Variants in EPM2A observed in about 807,000 individuals in gnomAD.
EPM2A encodes EPM2A glucan phosphatase, laforin, also known as laforin.
EPM2A carries 21 observed loss-of-function variants against 26.5 expected under a neutral mutation model. The observed-to-expected ratio is 0.79, with a 90% CI of 0.56 to 1.14. The LOEUF is 1.14. Ranked by LOEUF, EPM2A falls within the 50% of genes most tolerant of loss-of-function variation. EPM2A has a pLI of 0.00. For synonymous variants in EPM2A, 217 were observed against 177.6 expected (o/e 1.22, Z -1.76); for missense variants, 458 against 440.8 (o/e 1.04, Z -0.35).
At chr6:145,515,052 C>T (rs1385311495) in intron 2 of EPM2A, among the ~76,000 whole-genome samples, 1 of 152,180 alleles carries the variant, frequency 6.6e-6, no homozygotes, top group African/African-American at 2.4e-5. Context: ...AAAACTTCCA[C>T]TGAAATGAAT....
chr6:145,517,680 A>G (rs1183054194), intron 2 of EPM2A, among the ~76,000 whole-genome samples: 2 of 152,220 alleles, frequency 1.3e-5, no homozygotes, highest in African/African-American at 4.8e-5. Flanking sequence ...TGCTCAGTTC[A>G]GCAGTGTCTG....
At chr6:145,417,686 T>C (rs1439887586) in intron 4 of EPM2A, among the ~76,000 whole-genome samples, 1 of 152,182 alleles carries the variant, frequency 6.6e-6, no homozygotes, top group East Asian at 1.9e-4. Flanking sequence ...GGGTGACTTT[T>C]TTCTGAATAT....
rs1775813908 is a variant in EPM2A at position 145,626,457 on chromosome 6, C to T, written c.*959G>A. 1.0e-6 allele frequency: 1 copy of T among 985,774 alleles called. No homozygotes were observed. Among genetic ancestry groups the T allele is most frequent in the Non-Finnish European group, 1.2e-6 (1 of 829,960 alleles). 61.1% of individuals were successfully genotyped at this position (985,774 alleles called of 1,614,324 possible). A position where few individuals can be genotyped will look rare whatever the true frequency, so the allele number is the denominator to read the frequency against. On this transcript the variant is annotated 3_prime_UTR_variant, in exon 4 of 4. Coordinates refer to ENST00000367519, the MANE Select transcript of EPM2A (RefSeq NM_005670.4). ...CCCATCATGTTTTTAAATTAGCTTGCACAAAATACAACTAATTTCCTAGAT... is the reference window on the plus strand; with the variant it reads ...CCCATCATGTTTTTAAATTAGCTTGTACAAAATACAACTAATTTCCTAGAT...
intron 1 of EPM2A, among the ~76,000 whole-genome samples, chr6:145,729,358 A>T: frequency 6.6e-6 from 1 of 152,220 alleles, no homozygotes; most frequent in East Asian, 1.9e-4. Flanking sequence ...GGCCTGGAAA[A>T]GCCACAGACA....
intron 4 of EPM2A, among the ~76,000 whole-genome samples, chr6:145,480,110 G>T (rs1484255999): frequency 6.6e-6 from 1 of 151,720 alleles, no homozygotes; most frequent in Non-Finnish European, 1.5e-5. Context: ...TGGGTTGTCT[G>T]TCTCTTTGTT....
chr6:145,563,092 G>C (rs1242806484), intron 2 of EPM2A, among the ~76,000 whole-genome samples: 1 of 151,798 alleles, frequency 6.6e-6, no homozygotes, highest in Admixed American at 6.6e-5. Context: ...CTTGAGAAAA[G>C]GAAGAAGGAT....
chr6:145,433,085 C>T (rs1420869665), intron 4 of EPM2A, among the ~76,000 whole-genome samples: 1 of 152,184 alleles, frequency 6.6e-6, no homozygotes, highest in African/African-American at 2.4e-5. Context: ...TCTATCCAGA[C>T]CATTCAAACT....
intron 2 of EPM2A, among the ~76,000 whole-genome samples, chr6:145,578,578 C>G (rs1340886790): frequency 6.6e-6 from 1 of 152,108 alleles, no homozygotes; most frequent in Non-Finnish European, 1.5e-5. Flanking sequence ...AGTCCAAGAC[C>G]TTATGGGTTC....
chr6:145,461,567 T>C (rs1323426838), intron 4 of EPM2A, among the ~76,000 whole-genome samples: 2 of 152,130 alleles, frequency 1.3e-5, no homozygotes, highest in African/African-American at 4.8e-5. Flanking sequence ...ATACCATATG[T>C]TGTGTACGGT....
intron 2 of EPM2A, among the ~76,000 whole-genome samples, chr6:145,566,638 G>A (rs1338699176): frequency 6.6e-6 from 1 of 152,152 alleles, no homozygotes; most frequent in Non-Finnish European, 1.5e-5. Context: ...GCTTAAGAGA[G>A]CAAAAAGACA....
chr6:145,576,938 G>C (rs1781040057), intron 2 of EPM2A, among the ~76,000 whole-genome samples: 1 of 151,480 alleles, frequency 6.6e-6, no homozygotes, highest in Admixed American at 6.6e-5. Flanking sequence ...CTTGTGATTA[G>C]AGTTAAGTTG....
chr6:145,501,884 C>T (rs907624577), intron 3 of EPM2A: 2 of 470,646 alleles, frequency 4.2e-6, no homozygotes, highest in African/African-American at 4.0e-5. Flanking sequence ...GTAGAGGTGA[C>T]AATTGTCATT....
chr6:145,489,315 C>T (rs1779725173), intron 4 of EPM2A, among the ~76,000 whole-genome samples: 2 of 151,990 alleles, frequency 1.3e-5, no homozygotes, highest in Admixed American at 6.6e-5. Context: ...AAGAACATGA[C>T]CTGGGAAAGA....
At chr6:145,437,416 C>T (rs994929532) in intron 4 of EPM2A, among the ~76,000 whole-genome samples, 7 of 152,004 alleles carry the variant, frequency 4.6e-5, no homozygotes, top group South Asian at 2.1e-4. Context: ...TAAGAACAGT[C>T]GAATACAGCA....
rs572601101 is a variant in EPM2A, at chr6:145,734,988, G to C, written c.301+210C>G. ...AGCGCTATACGGGTCTAGGGAATCAGTAGGAAGCCGGAGGCGCGGCTGGCG... is the reference window on the plus strand; with the variant it reads ...AGCGCTATACGGGTCTAGGGAATCACTAGGAAGCCGGAGGCGCGGCTGGCG... On this transcript the variant is annotated intron_variant, in intron 1 of 3. Coordinates refer to ENST00000367519, the MANE Select transcript of EPM2A (RefSeq NM_005670.4). 33 of 354,722 alleles carry C rather than the reference G, an allele frequency of 9.3e-5. No homozygotes were observed. In the Admixed American group the frequency reaches 1.1e-3, roughly 12 times the overall value. The allele number at this position is 354,722 out of a possible 1,614,324, so 22.0% of individuals were successfully genotyped here.
intron 1 of EPM2A, among the ~76,000 whole-genome samples, chr6:145,732,932 G>A: frequency 6.6e-6 from 1 of 152,142 alleles, no homozygotes; most frequent in Non-Finnish European, 1.5e-5. Flanking sequence ...GTGAGCTGAG[G>A]TGACACGCCT....
At chr6:145,617,485 T>C (rs1775541731) in intron 2 of EPM2A, among the ~76,000 whole-genome samples, 1 of 152,218 alleles carries the variant, frequency 6.6e-6, no homozygotes, top group Non-Finnish European at 1.5e-5. Flanking sequence ...ACTAGTATTA[T>C]ATAGAAAGAG....
At chr6:145,689,226 T>C (rs1362177959) in intron 1 of EPM2A, among the ~76,000 whole-genome samples, 1 of 152,204 alleles carries the variant, frequency 6.6e-6, no homozygotes, top group Non-Finnish European at 1.5e-5. Context: ...TCAAAATATG[T>C]TCTAATAATT....
At chr6:145,606,335 A>G (rs1031841033) in intron 2 of EPM2A, among the ~76,000 whole-genome samples, 1 of 152,026 alleles carries the variant, frequency 6.6e-6, no homozygotes, top group African/African-American at 2.4e-5. Flanking sequence ...ACATATAGGA[A>G]AATTAATACT....
Sources: allele counts gnomAD v4.1 joint callset (sites outside exome capture counted in the v4.1 genomes callset), GRCh38; gene constraint gnomAD v4.1.1; transcripts MANE v1.5; gene names NCBI Gene and HGNC (gene_info 2026-07-23, HGNC 2026-07-21).